Variants in C12orf42 observed in about 807,000 individuals in gnomAD.
The protein encoded by C12orf42 is uncharacterized protein C12orf42.
In C12orf42, 25 loss-of-function variants were observed where a neutral mutation model predicts 21.6. The ratio of observed to expected loss-of-function variants is 1.16; its 90% CI spans 0.84 to 1.62. The LOEUF (loss-of-function observed/expected upper bound fraction) is 1.62, where lower values mean the gene tolerates loss of function less well. Among genes scored for constraint, C12orf42 ranks in the 40% most tolerant of loss-of-function variants. C12orf42 has a pLI of 0.00. For synonymous variants in C12orf42, 174 were observed against 175.0 expected (o/e 0.99, Z 0.05); for missense variants, 483 against 459.3 (o/e 1.05, Z -0.47).
the C12orf42 span, among the ~76,000 whole-genome samples, chr12:103,061,709 G>T: frequency 6.6e-6 from 1 of 151,480 alleles, no homozygotes; most frequent in African/African-American, 2.4e-5. Context: ...TTTGGTTAGT[G>T]TTTACATATA....
At position 103,416,682 on chromosome 12, in the gene C12orf42, G is replaced by A. The variant is rs980790214; in HGVS notation, c.79-15007C>T. Among the ~76,000 whole-genome samples, 15 of 151,650 alleles carry A rather than the reference G, an allele frequency of 9.9e-5. No homozygotes were observed. The East Asian group carries it at 1.2e-3, about 12-fold the overall frequency. On this transcript the variant is annotated intron_variant, in intron 2 of 5. Transcript: ENST00000548883. ...CAAAGATAGATATTTTTGCCCTGACGTAACTATTTTACAAACACTCTATTT... is the reference window on the plus strand; with the variant it reads ...CAAAGATAGATATTTTTGCCCTGACATAACTATTTTACAAACACTCTATTT...
At chr12:103,268,355 A>G (rs948149457), downstream of C12orf42, 2 of 152,094 alleles carry the variant, frequency 1.3e-5, no homozygotes, top group Non-Finnish European at 2.9e-5. Flanking sequence ...TAGGTATGTG[A>G]TTTGTGTTTG....
chr12:103,328,284 T>A (rs563991420), intron 4 of C12orf42, among the ~76,000 whole-genome samples: 162 of 152,236 alleles, frequency 1.1e-3, no homozygotes, highest in Non-Finnish European at 2.2e-3. Flanking sequence ...CTAATAGGAC[T>A]CATTCAAGTT....
the C12orf42 span, among the ~76,000 whole-genome samples, chr12:103,125,093 T>C: frequency 6.6e-6 from 1 of 152,188 alleles, no homozygotes; most frequent in African/African-American, 2.4e-5. Flanking sequence ...TCTAAATGTT[T>C]TGTTTATATA....
Position 103,403,192 on chromosome 12 carries a change from G to A in C12orf42, c.79-1517C>T, listed in dbSNP as rs1054044067. On this transcript the variant is annotated intron_variant, in intron 2 of 5. Coordinates refer to ENST00000548883, the MANE Select transcript of C12orf42 (RefSeq NM_198521.5). ...AGATCGAGACCACCCTGGCTAACAC[G>A]GTGAAACCCCGTCTCTACTAAAAAT... Among the ~76,000 whole-genome samples, 7 of 152,000 alleles carry A rather than the reference G, an allele frequency of 4.6e-5. No individual in the cohort carries two copies. In the East Asian group the frequency reaches 1.3e-3, roughly 29 times the overall value.
At chr12:103,322,968 T>C (rs2040332146) in intron 4 of C12orf42, among the ~76,000 whole-genome samples, 1 of 152,168 alleles carries the variant, frequency 6.6e-6, no homozygotes, top group Admixed American at 6.5e-5. Context: ...GGTTATAAAA[T>C]ACTGCTCAGT....
At chr12:103,374,169 C>T (rs571970232) in intron 3 of C12orf42, among the ~76,000 whole-genome samples, 3 of 152,282 alleles carry the variant, frequency 2.0e-5, no homozygotes, top group African/African-American at 7.2e-5. Context: ...TCTATTACCG[C>T]CACCAATTTT....
chr12:103,281,073 C>T (rs894912500), intron 4 of C12orf42, among the ~76,000 whole-genome samples: 3 of 152,212 alleles, frequency 2.0e-5, no homozygotes, highest in African/African-American at 4.8e-5. Context: ...GCTAATACTT[C>T]ATACTTGAGT....
At chr12:103,068,292 T>A in the C12orf42 span, among the ~76,000 whole-genome samples, 95 of 152,346 alleles carry the variant, frequency 6.2e-4, no homozygotes, top group Admixed American at 1.7e-3. Context: ...ATCAGATTTA[T>A]TGACTTCAGC....
chr12:103,252,121 A>C (rs558419461), intron 10 of C12orf42, among the ~76,000 whole-genome samples: 47 of 152,170 alleles, frequency 3.1e-4, no homozygotes, highest in Middle Eastern at 3.4e-3. Context: ...CTCTCCCCCC[A>C]AAAATTCTTT....
chr12:103,482,053 T>G (rs1954510065), intron 1 of C12orf42, among the ~76,000 whole-genome samples: 1 of 152,066 alleles, frequency 6.6e-6, no homozygotes, highest in Non-Finnish European at 1.5e-5. Flanking sequence ...CTGCCTAAAT[T>G]GCTGTTCTTT....
At chr12:103,120,933 T>C in the C12orf42 span, among the ~76,000 whole-genome samples, 2 of 152,038 alleles carry the variant, frequency 1.3e-5, no homozygotes, top group Non-Finnish European at 2.9e-5. Context: ...GTAATTTACA[T>C]CAAAAACCTC....
the C12orf42 span, among the ~76,000 whole-genome samples, chr12:103,076,155 C>G: frequency 6.6e-6 from 1 of 151,948 alleles, no homozygotes; most frequent in Non-Finnish European, 1.5e-5. Flanking sequence ...ATGGGTGCAG[C>G]AAACCACCAT....
chr12:103,055,361 G>A, the C12orf42 span, among the ~76,000 whole-genome samples: 1 of 151,812 alleles, frequency 6.6e-6, no homozygotes, highest in Non-Finnish European at 1.5e-5. Context: ...GTTCTTCATA[G>A]TTATCTTTGT....
At chr12:103,083,003 A>G in the C12orf42 span, among the ~76,000 whole-genome samples, 1 of 152,184 alleles carries the variant, frequency 6.6e-6, no homozygotes, top group Non-Finnish European at 1.5e-5. Flanking sequence ...TTCAGGAGGC[A>G]TGCCAACCAA....
At chr12:103,236,511 G>A (rs2033471381), downstream of C12orf42, among the ~76,000 whole-genome samples, 1 of 152,150 alleles carries the variant, frequency 6.6e-6, no homozygotes, top group Non-Finnish European at 1.5e-5. Flanking sequence ...GATTATCTCA[G>A]TTCACTAAAC....
the C12orf42 span, among the ~76,000 whole-genome samples, chr12:103,158,286 C>A: frequency 1.3e-4 from 20 of 152,262 alleles, no homozygotes; most frequent in African/African-American, 4.6e-4. Flanking sequence ...CATTCCCAAA[C>A]CTGTTCTTCT....
chr12:103,147,623 C>CTTTTTTTTTTTTTTTTTTTTT, the C12orf42 span, among the ~76,000 whole-genome samples: 2 of 99,314 alleles, frequency 2.0e-5, no homozygotes, highest in African/African-American at 4.1e-5. Flanking sequence ...TTCTCTCTCT[C>CTTTTTTTTTTTTTTTTTTTTT]TTTTTTTTTT....
At chr12:103,070,506 A>C in the C12orf42 span, among the ~76,000 whole-genome samples, 2 of 110,856 alleles carry the variant, frequency 1.8e-5, no homozygotes, top group Non-Finnish European at 3.6e-5. Flanking sequence ...ATACACACCT[A>C]CATACACATA....
Sources: allele counts gnomAD v4.1 joint callset (sites outside exome capture counted in the v4.1 genomes callset), GRCh38; gene constraint gnomAD v4.1.1; transcripts MANE v1.5; gene names NCBI Gene and HGNC (gene_info 2026-07-23, HGNC 2026-07-21).